CTNNA3: variants seen among roughly 807,000 people sequenced by gnomAD.
CTNNA3 encodes the protein catenin alpha 3.
In CTNNA3, 76 loss-of-function variants were observed where a neutral mutation model predicts 95.7. That is an observed-to-expected ratio of 0.79 (90% CI 0.66 to 0.96). The LOEUF (loss-of-function observed/expected upper bound fraction) is 0.96, where lower values mean the gene tolerates loss of function less well. Among genes scored for constraint, CTNNA3 ranks in the 40% least tolerant of loss-of-function variants. The pLI, the probability that CTNNA3 is intolerant of heterozygous loss-of-function variation, is 0.00. For missense variants in CTNNA3, 1,191 were observed against 1,089.8 expected (o/e 1.09, Z -1.31); for synonymous variants, 431 against 374.4 (o/e 1.15, Z -1.74).
At chr10:66,834,393 T>G (rs1398428227) in intron 7 of CTNNA3, among the ~76,000 whole-genome samples, 1 of 152,198 alleles carries the variant, frequency 6.6e-6, no homozygotes, top group African/African-American at 2.4e-5. Context: ...TACACAGGAT[T>G]TTAGAATTGA....
At chr10:67,207,417 A>C (rs1308806875) in intron 6 of CTNNA3, among the ~76,000 whole-genome samples, 1 of 152,154 alleles carries the variant, frequency 6.6e-6, no homozygotes, top group Non-Finnish European at 1.5e-5. Flanking sequence ...TAAATTTCAG[A>C]TAGAACTTTA....
At chr10:67,647,393 A>G in intron 2 of CTNNA3, 22 bp downstream of exon 2, 2 of 1,547,710 alleles carry the variant, frequency 1.3e-6, no homozygotes, top group Non-Finnish European at 1.8e-6. Context: ...ACTATATATC[A>G]TAATTTCCAT....
At chr10:67,274,543 G>C (rs1434570717) in intron 5 of CTNNA3, among the ~76,000 whole-genome samples, 1 of 152,102 alleles carries the variant, frequency 6.6e-6, no homozygotes, top group Non-Finnish European at 1.5e-5. Context: ...AAATTAAGGA[G>C]ATGGCCTGGC....
chr10:66,927,729 C>T lies in CTNNA3; in HGVS notation c.1048-152205G>A. 2 of 1,614,156 alleles carry T rather than the reference C, an allele frequency of 1.2e-6. No individual in the cohort carries two copies. Among genetic ancestry groups the T allele is most frequent in the Non-Finnish European group, 1.7e-6 (2 of 1,180,026 alleles). ...ATGAGATCGAAGCTTTCAGTGGACC[C>T]AGTGTTTTCCAGTGTGTCCCGAATC... On this transcript the variant is annotated intron_variant, in intron 7 of 17. Transcript: ENST00000433211. This position sits in a 1 kb window ranked among gnomAD's most constrained non-coding sequence, Gnocchi z 4.7.
intron 15 of CTNNA3, among the ~76,000 whole-genome samples, chr10:66,025,943 A>G (rs1428573648): frequency 1.3e-5 from 2 of 152,160 alleles, no homozygotes; most frequent in Non-Finnish European, 2.9e-5. Flanking sequence ...ATACACACAC[A>G]CTCACATGTG....
chr10:66,930,512 T>C (rs1161525173), intron 7 of CTNNA3, among the ~76,000 whole-genome samples: 1 of 152,208 alleles, frequency 6.6e-6, no homozygotes, highest in African/African-American at 2.4e-5. Context: ...TTTGTATTAA[T>C]GAAATGCAGT....
intron 7 of CTNNA3, among the ~76,000 whole-genome samples, chr10:67,089,803 C>T (rs1490567391): frequency 6.6e-6 from 1 of 151,210 alleles, no homozygotes; most frequent in Non-Finnish European, 1.5e-5. Context: ...CATCCATTGC[C>T]TTCCTTTACT....
At chr10:67,437,867 G>C (rs1035892556) in intron 5 of CTNNA3, among the ~76,000 whole-genome samples, 1 of 151,770 alleles carries the variant, frequency 6.6e-6, no homozygotes, top group Non-Finnish European at 1.5e-5. Context: ...ATTTAAATTT[G>C]CTAAAGAAAA....
At chr10:66,638,545 T>A (rs1845412384) in intron 9 of CTNNA3, among the ~76,000 whole-genome samples, 1 of 152,162 alleles carries the variant, frequency 6.6e-6, no homozygotes, top group Non-Finnish European at 1.5e-5. Context: ...TAGGCTAAAA[T>A]CTGTTGCTCT....
intron 8 of CTNNA3, among the ~76,000 whole-genome samples, chr10:66,768,613 A>G (rs1839959681): frequency 6.6e-6 from 1 of 152,178 alleles, no homozygotes; most frequent in Non-Finnish European, 1.5e-5. Context: ...AAATGATTTC[A>G]TTCAATTCAG....
intron 6 of CTNNA3, among the ~76,000 whole-genome samples, chr10:67,189,839 T>C (rs7091927): frequency 0.38 from 57,294 of 151,924 alleles, 15,012 homozygotes; most frequent in African/African-American, 0.75. Flanking sequence ...CATATTTCAT[T>C]CATCTATAGG....
chr10:67,675,035 G>T (rs1218845899), intron 1 of CTNNA3, among the ~76,000 whole-genome samples: 1 of 151,964 alleles, frequency 6.6e-6, no homozygotes, highest in Non-Finnish European at 1.5e-5. Flanking sequence ...GTATCCCATT[G>T]TTGTTTTAAT....
chr10:66,304,909 T>C (rs1250953782), intron 12 of CTNNA3, among the ~76,000 whole-genome samples: 1 of 152,204 alleles, frequency 6.6e-6, no homozygotes, highest in African/African-American at 2.4e-5. Context: ...ATATATGTTA[T>C]ATTTACTCTT....
rs116536392 is a variant in CTNNA3 at position 66,655,190 on chromosome 10, T to C, written c.1282-33406A>G. On this transcript the variant is annotated intron_variant, in intron 9 of 17. Transcript: ENST00000433211. Reference sequence around the variant, plus strand: ...ATATTTTAAAACATCATGTGGTACATGATAAATAAACACAATTTTATTTGT... The same window carrying C: ...ATATTTTAAAACATCATGTGGTACACGATAAATAAACACAATTTTATTTGT... Among the ~76,000 whole-genome samples the C allele has an allele frequency of 9.1e-3, 1,380 of 152,220 alleles. 24 individuals are homozygous for C. Among genetic ancestry groups the C allele is most frequent in the African/African-American group, 0.032 (1,312 of 41,572 alleles).
chr10:67,308,724 G>A (rs1258368481), intron 5 of CTNNA3, among the ~76,000 whole-genome samples: 1 of 152,078 alleles, frequency 6.6e-6, no homozygotes, highest in African/African-American at 2.4e-5. Flanking sequence ...AACTATTTAA[G>A]TACTAAAGTT....
intron 7 of CTNNA3, among the ~76,000 whole-genome samples, chr10:66,870,577 T>C (rs1479530214): frequency 3.3e-5 from 5 of 152,182 alleles, no homozygotes; most frequent in African/African-American, 7.2e-5. Flanking sequence ...TATTCTTCAA[T>C]GGGAAATTGA....
At position 67,237,126 on chromosome 10, in the gene CTNNA3, GTATATATATA is replaced by G. The variant is rs59511861; in HGVS notation, c.580-17266_580-17257del. Among the ~76,000 whole-genome samples, 119 of 39,874 alleles carry G rather than the reference GTATATATATA, an allele frequency of 3.0e-3. 4 individuals carry two copies. Among genetic ancestry groups the G allele is most frequent in the African/African-American group, 0.011 (109 of 9,692 alleles). The allele number at this position is 39,874 out of a possible 152,430, so 26.2% of individuals were successfully genotyped here. ...AGTGGATAAAGAAACTATGGTGTAT[GTATATATATA>G]TATATATATATATATATATATATAT... On this transcript the variant is annotated intron_variant, in intron 5 of 17. Coordinates refer to ENST00000433211, the MANE Select transcript of CTNNA3 (RefSeq NM_013266.4).
intron 9 of CTNNA3, among the ~76,000 whole-genome samples, chr10:66,676,187 G>A (rs1034267068): frequency 5.5e-5 from 8 of 146,594 alleles, no homozygotes; most frequent in African/African-American, 1.5e-4. Flanking sequence ...AAAAGAAAAC[G>A]GTGACAGAGA....
At chr10:67,367,344 T>C (rs1401645260) in intron 5 of CTNNA3, among the ~76,000 whole-genome samples, 1 of 151,610 alleles carries the variant, frequency 6.6e-6, no homozygotes, top group Non-Finnish European at 1.5e-5. Flanking sequence ...ATATTCAACA[T>C]CATTAATCAA....
Sources: allele counts gnomAD v4.1 joint callset (sites outside exome capture counted in the v4.1 genomes callset), GRCh38; gene constraint gnomAD v4.1.1; non-coding constraint Gnocchi (gnomAD v3.1); transcripts MANE v1.5; gene names NCBI Gene and HGNC (gene_info 2026-07-23, HGNC 2026-07-21).